The following AARS1 variants were observed in gnomAD, a reference collection of about 807,000 sequenced individuals.
The protein encoded by AARS1 is alanine--tRNA ligase, cytoplasmic.
AARS1 carries 72 observed loss-of-function variants against 108.9 expected under a neutral mutation model. The ratio of observed to expected loss-of-function variants is 0.66; its 90% CI spans 0.55 to 0.80. The LOEUF (loss-of-function observed/expected upper bound fraction) is 0.80. Ranked by LOEUF, AARS1 falls within the 30% of genes least tolerant of loss-of-function variation. The pLI, the probability that AARS1 is intolerant of heterozygous loss-of-function variation, is 0.00. For missense variants in AARS1, 1,193 were observed against 1,233.2 expected (o/e 0.97, Z 0.49); for synonymous variants, 489 against 465.7 (o/e 1.05, Z -0.64).
chr16:70,254,366 A>C (rs1366082741), intron 17 of AARS1: 2 of 581,650 alleles, frequency 3.4e-6, no homozygotes, highest in Non-Finnish European at 6.1e-6. Context: ...CCATTCCCCA[A>C]ATCCCTCCAC....
intron 4 of AARS1, among the ~76,000 whole-genome samples, chr16:70,273,728 T>G (rs1005773107): frequency 2.0e-5 from 3 of 151,156 alleles, no homozygotes; most frequent in Admixed American, 6.6e-5. Context: ...CCGGGCGTGG[T>G]GGTGGGCGCC....
chr16:70,288,474 T>C (rs369718697), intron 1 of AARS1, among the ~76,000 whole-genome samples: 1 of 151,696 alleles, frequency 6.6e-6, no homozygotes, highest in Non-Finnish European at 1.5e-5. Context: ...TTTCCCTTCA[T>C]AATTTCCATA....
chr16:70,252,832 A>C lies in AARS1; in HGVS notation c.2796T>G (p.Gly932=). 1 of 1,614,114 alleles carries C rather than the reference A, an allele frequency of 6.2e-7. No individual in the cohort carries two copies. Among genetic ancestry groups the C allele is most frequent in the Non-Finnish European group, 8.5e-7 (1 of 1,179,966 alleles). ...QVSGLMDGKG[G]GKDVSAQATG... is the part of the protein sequence containing the mutation. ...TGGCCTGTGCAGACACATCCTTGCC[A>C]CCACCTTTACCGTCCATCAAGCCTG... Residue 932 remains glycine (G), a synonymous_variant, in exon 21 of 21, where the codon GGT becomes GGG. Coordinates refer to ENST00000261772, the MANE Select transcript of AARS1 (RefSeq NM_001605.3).
intron 1 of AARS1, 39 bp from the exon 2 acceptor site, chr16:70,282,823 T>A: frequency 6.3e-7 from 1 of 1,595,038 alleles, no homozygotes; most frequent in Non-Finnish European, 8.6e-7. Flanking sequence ...ATTAAGGGAA[T>A]TGAAAGTCAA....
intron 4 of AARS1, among the ~76,000 whole-genome samples, chr16:70,273,642 C>A (rs919548235): frequency 2.0e-5 from 3 of 151,880 alleles, no homozygotes; most frequent in Non-Finnish European, 4.4e-5. Flanking sequence ...GCAGGCCGAT[C>A]ATGAGGTCAT....
At chr16:70,262,250 G>C in intron 12 of AARS1, 96 bp downstream of exon 12, 1 of 1,454,464 alleles carries the variant, frequency 6.9e-7, no homozygotes, top group Non-Finnish European at 9.6e-7. Context: ...GGTGTGTCAG[G>C]TCTGCTCCCA....
At chr16:70,270,426 AAC>A (rs1960370959) in intron 5 of AARS1, 86 bp from the exon 6 acceptor site, 1 of 1,556,068 alleles carries the variant, frequency 6.4e-7, no homozygotes, top group Non-Finnish European at 8.8e-7. Context: ...TCATTTACAG[AAC>A]AGTTTGCAGG....
chr16:70,254,784 C>T, intron 16 of AARS1, 50 bp from the exon 17 acceptor site: 3 of 1,275,752 alleles, frequency 2.4e-6, no homozygotes, highest in Non-Finnish European at 3.4e-6. Flanking sequence ...GAGTCAGACT[C>T]ACTATCCTGT....
chr16:70,284,957 C>T (rs1025373654), intron 1 of AARS1, among the ~76,000 whole-genome samples: 3 of 152,142 alleles, frequency 2.0e-5, no homozygotes, highest in Non-Finnish European at 2.9e-5. Context: ...ACGCCACGTG[C>T]GGTGGCTCAC....
At chr16:70,255,571 C>T (rs1181960173) in intron 16 of AARS1, among the ~76,000 whole-genome samples, 157 bp downstream of exon 16, 1 of 152,082 alleles carries the variant, frequency 6.6e-6, no homozygotes. Context: ...TTTCTTCTGC[C>T]ACTCAGGGGT....
chr16:70,288,709 G>GGC (rs1200520712), intron 1 of AARS1, among the ~76,000 whole-genome samples: 1 of 151,952 alleles, frequency 6.6e-6, no homozygotes, highest in Non-Finnish European at 1.5e-5. Flanking sequence ...TGAGAGTACA[G>GGC]GCGCGCGCCG....
At chr16:70,254,829 TTGCAGCAAC>T (rs1414920956) in intron 16 of AARS1, 95 bp from the exon 17 acceptor site, 2 of 812,354 alleles carry the variant, frequency 2.5e-6, no homozygotes, top group Non-Finnish European at 4.2e-6. Flanking sequence ...GCGGTAGGCC[TTGCAGCAAC>T]ATACCCCAAC....
At chr16:70,283,616 A>C (rs554944058) in intron 1 of AARS1, among the ~76,000 whole-genome samples, 2 of 152,294 alleles carry the variant, frequency 1.3e-5, no homozygotes, top group East Asian at 3.9e-4. Flanking sequence ...CTAGAACTGC[A>C]AAGTTCCACT....
chr16:70,263,969 C>T (rs114823713), intron 11 of AARS1, among the ~76,000 whole-genome samples: 1,828 of 151,952 alleles, frequency 0.012, 30 homozygotes, highest in African/African-American at 0.042. Context: ...ATTATCCGGT[C>T]GGGCGAGATG....
intron 2 of AARS1, among the ~76,000 whole-genome samples, chr16:70,282,131 G>A (rs1034145016): frequency 2.7e-5 from 4 of 150,882 alleles, no homozygotes; most frequent in Non-Finnish European, 5.9e-5. Context: ...CAGCCTGGGC[G>A]ACAGAGCAAG....
chr16:70,282,544 C>T, intron 2 of AARS1, 76 bp downstream of exon 2: 1 of 1,573,968 alleles, frequency 6.4e-7, no homozygotes, highest in Non-Finnish European at 8.7e-7. Context: ...CGGTCTGACC[C>T]CAGGGCTGTG....
Position 70,258,160 on chromosome 16 carries a change from C to T in AARS1, c.2050G>A (p.Ala684Thr), listed in dbSNP as rs1960037998. ...AAAKAIQGLR[A>T]VFDETYPDPV... ...TCAGGATAGGTCTCATCAAACACAG[C>T]CCGTAGGCCCTGGATGGCTTTCGCT... The change falls in exon 15 of 21, where the codon GCT becomes ACT. Residue 684 changes from alanine to threonine, a missense_variant. Transcript: ENST00000261772. 2.5e-6 allele frequency: 4 copies of T among 1,610,104 alleles called. No individual in the cohort carries two copies. The highest frequency in any genetic ancestry group is 2.2e-5 in the East Asian group (1 of 44,694).
chr16:70,269,409 C>T (rs1224741638), intron 7 of AARS1, among the ~76,000 whole-genome samples: 1 of 146,584 alleles, frequency 6.8e-6, no homozygotes, highest in Non-Finnish European at 1.5e-5. Context: ...TGGTGGTGTG[C>T]ACCTATAATC....
At chr16:70,278,560 G>A (rs536558335) in intron 2 of AARS1, among the ~76,000 whole-genome samples, 2 of 147,336 alleles carry the variant, frequency 1.4e-5, no homozygotes, top group African/African-American at 5.0e-5. Flanking sequence ...GTGAGACTCT[G>A]TCTCCAAAAA....
Sources: allele counts gnomAD v4.1 joint callset (sites outside exome capture counted in the v4.1 genomes callset), GRCh38; gene constraint gnomAD v4.1.1; transcripts MANE v1.5; gene names NCBI Gene and HGNC (gene_info 2026-07-23, HGNC 2026-07-21).